The following EPS15 variants were observed in gnomAD, a reference collection of about 807,000 sequenced individuals.
The protein encoded by EPS15 is epidermal growth factor receptor pathway substrate 15, also known as epidermal growth factor receptor substrate 15.
In EPS15, 72 loss-of-function variants were observed where a neutral mutation model predicts 113.8. That is an observed-to-expected ratio of 0.63 (90% CI 0.52 to 0.77). The LOEUF (loss-of-function observed/expected upper bound fraction) is 0.77, where lower values mean the gene tolerates loss of function less well. Among genes scored for constraint, EPS15 ranks in the 30% least tolerant of loss-of-function variants. The pLI, the probability that EPS15 is intolerant of heterozygous loss-of-function variation, is 0.00. For synonymous variants in EPS15, 344 were observed against 363.4 expected (o/e 0.95, Z 0.61); for missense variants, 1,048 against 1,045.8 (o/e 1.00, Z -0.03).
chr1:51,472,972 T>C (rs760896988), intron 2 of EPS15, 24 bp from the exon 3 acceptor site: 13 of 1,582,842 alleles, frequency 8.2e-6, no homozygotes, highest in Middle Eastern at 1.7e-4. Context: ...AATCCGTAAG[T>C]TGACAACAAA....
Position 51,486,857 on chromosome 1 carries a change from C to T in EPS15, c.34-5543G>A, listed in dbSNP as rs368278321. ...TGTGTGTGTGTATTTTTAGTAGAGA[C>T]GGGGGCTTCATCACGTTGGCCAGGC... On this transcript the variant is annotated intron_variant, in intron 1 of 24. Transcript: ENST00000371733. Among the ~76,000 whole-genome samples the T allele has an allele frequency of 1.8e-4, 28 of 151,842 alleles. No individual in the cohort carries two copies. The South Asian group carries it at 5.6e-3, about 31-fold the overall frequency.
intron 8 of EPS15, chr1:51,458,460 G>C (rs977706015): frequency 7.7e-6 from 3 of 389,382 alleles, no homozygotes; most frequent in African/African-American, 6.5e-5. Flanking sequence ...TCTTGGGCCT[G>C]AAGAGGTGGC....
intron 13 of EPS15, among the ~76,000 whole-genome samples, chr1:51,415,978 A>T (rs1249342271): frequency 6.6e-6 from 1 of 152,076 alleles, no homozygotes; most frequent in Non-Finnish European, 1.5e-5. Context: ...GGCTACCACC[A>T]TCACAATGCA....
chr1:51,470,646 C>CAAA (rs10616476), intron 4 of EPS15, among the ~76,000 whole-genome samples: 6 of 72,988 alleles, frequency 8.2e-5, no homozygotes, highest in African/African-American at 1.3e-4. Context: ...GGCTCTGTCT[C>CAAA]AAAAAAAAAA....
intron 24 of EPS15, among the ~76,000 whole-genome samples, chr1:51,357,404 ATATATATATATATATATATATATTTTTT>A (rs1348089409): frequency 3.8e-5 from 2 of 52,570 alleles, no homozygotes; most frequent in Non-Finnish European, 6.8e-5. Flanking sequence ...ATATATATAT[ATATATATATATATATATATATATTTTTT>A]TTTTTTAAAT....
intron 2 of EPS15, 99 bp from the exon 3 acceptor site, chr1:51,473,047 T>G: frequency 1.2e-6 from 1 of 869,128 alleles, no homozygotes; most frequent in Admixed American, 2.0e-5. Flanking sequence ...ACCTGGCTTT[T>G]GCAAGAAAGG....
intron 11 of EPS15, among the ~76,000 whole-genome samples, chr1:51,440,924 T>C (rs1652547959): frequency 6.6e-6 from 1 of 152,114 alleles, no homozygotes; most frequent in South Asian, 2.1e-4. Context: ...TGTTACATAC[T>C]GTGTCTATTT....
intron 21 of EPS15, among the ~76,000 whole-genome samples, chr1:51,370,432 C>G (rs1250477726): frequency 1.3e-5 from 2 of 151,998 alleles, no homozygotes; most frequent in African/African-American, 4.8e-5. Flanking sequence ...ACCAAAAATG[C>G]TCCAATAAGC....
intron 1 of EPS15, among the ~76,000 whole-genome samples, chr1:51,484,102 C>A (rs2148526876): frequency 6.6e-6 from 1 of 151,994 alleles, no homozygotes; most frequent in Admixed American, 6.5e-5. Context: ...CAGAGTGAGA[C>A]CCTGTCTCTC....
rs185938038 is a variant in EPS15, at chr1:51,428,773, G to A, written c.1041-6915C>T. 1.1e-3 allele frequency among the ~76,000 whole-genome samples: 159 copies of A among 145,078 alleles called. 1 individual carries two copies. Among genetic ancestry groups the A allele is most frequent in the African/African-American group, 4.0e-3 (157 of 39,098 alleles). On this transcript the variant is annotated intron_variant, in intron 12 of 24. Coordinates refer to ENST00000371733, the MANE Select transcript of EPS15 (RefSeq NM_001981.3). ...ACCCAGGAGGCAGAGGTTGCAGTGA[G>A]CCGAGATTGCACTGCTGCACTCCAG...
In EPS15 at chr1:51,447,037, G is replaced by A. The variant is rs146124807; in HGVS notation, c.720C>T (p.Asp240=). 5.5e-5 allele frequency: 88 copies of A among 1,613,224 alleles called. No individual in the cohort carries two copies. In the African/African-American group the frequency reaches 6.4e-4, roughly 12 times the overall value. The change falls in exon 10 of 25, where the codon GAC becomes GAT. Residue 240 remains aspartate, a synonymous_variant. Transcript: ENST00000371733. ...GGACCTCCAATCCAGACACAAATCCGTCCATATCTTTATCAGTTTTCAGGA... is the reference window on the plus strand; with the variant it reads ...GGACCTCCAATCCAGACACAAATCCATCCATATCTTTATCAGTTTTCAGGA... The part of the protein sequence containing the change: ...EIFLKTDKDM[D]GFVSGLEVRE...
intron 21 of EPS15, among the ~76,000 whole-genome samples, chr1:51,371,693 T>C (rs866467697): frequency 6.6e-6 from 1 of 152,172 alleles, no homozygotes. Flanking sequence ...TAATTTATTA[T>C]TGAAGAAAAA....
chr1:51,372,286 A>C, intron 21 of EPS15: 1 of 503,674 alleles, frequency 2.0e-6, no homozygotes, highest in South Asian at 1.5e-5. Flanking sequence ...GCAGTGCAGA[A>C]GGCAGTGGTC....
intron 8 of EPS15, among the ~76,000 whole-genome samples, chr1:51,459,950 A>G (rs1196762843): frequency 6.6e-6 from 1 of 152,164 alleles, no homozygotes; most frequent in Non-Finnish European, 1.5e-5. Context: ...ATTTAAAATA[A>G]AAAGAATAAG....
At chr1:51,398,958 C>T (rs946870310) in intron 20 of EPS15, 74 bp downstream of exon 20, 2 of 1,297,724 alleles carry the variant, frequency 1.5e-6, no homozygotes, top group Non-Finnish European at 2.2e-6. Flanking sequence ...TCTTTCATCA[C>T]TATGTATTTC....
chr1:51,407,504 A>T (rs552149385), intron 15 of EPS15, among the ~76,000 whole-genome samples: 1 of 152,216 alleles, frequency 6.6e-6, no homozygotes, highest in East Asian at 1.9e-4. Context: ...CCGAGCCCTA[A>T]CTATCTTATC....
At position 51,368,747 on chromosome 1, in the gene EPS15, G is replaced by C. The variant is rs550292402; in HGVS notation, c.2120-2718C>G. On this transcript the variant is annotated intron_variant, in intron 21 of 24. Transcript: ENST00000371733. Reference sequence around the variant, plus strand: ...CACGTAGCTGGGAATACAGGTGTGTGCCACCACACCTGGCTAATTCTTTCT... The same window carrying C: ...CACGTAGCTGGGAATACAGGTGTGTCCCACCACACCTGGCTAATTCTTTCT... Among the ~76,000 whole-genome samples, 3 of 152,094 alleles carry C rather than the reference G, an allele frequency of 2.0e-5. No homozygotes were observed. In the South Asian group the frequency reaches 6.2e-4, roughly 32 times the overall value.
Position 51,399,152 on chromosome 1 carries a change from A to G in EPS15, c.1932T>C (p.Gly644=), listed in dbSNP as rs1648260100. Residue 644 remains glycine, a synonymous_variant, in exon 20 of 25, where the codon GGT becomes GGC. Transcript: ENST00000371733. ...ATGGATCTGAACCTTTGAAAGGATC[A>G]CCACCAAATGGATCTAAAAAAATAA... ...DPFGKIDPFG[G]DPFKGSDPFA... The G allele has an allele frequency of 2.5e-6, 4 of 1,612,956 alleles. No homozygotes were observed. The highest frequency in any genetic ancestry group is 3.4e-6 in the Non-Finnish European group (4 of 1,179,734).
chr1:51,386,179 A>C (rs921611512), intron 21 of EPS15, among the ~76,000 whole-genome samples: 1 of 152,208 alleles, frequency 6.6e-6, no homozygotes, highest in Admixed American at 6.5e-5. Flanking sequence ...GCCCAGGCAT[A>C]TTTTCAGGTT....
Sources: gnomAD v4.1 joint callset for allele counts (sites outside exome capture counted in the v4.1 genomes callset) on GRCh38, gnomAD v4.1.1 for gene constraint, MANE v1.5 for transcripts, NCBI Gene and HGNC (gene_info 2026-07-23, HGNC 2026-07-21) for gene names.